ITPR1: variants seen among roughly 807,000 people sequenced by gnomAD.
The protein encoded by ITPR1 is inositol 1,4,5-trisphosphate-gated calcium channel ITPR1.
In ITPR1, 96 loss-of-function variants were observed where a neutral mutation model predicts 318.4. The ratio of observed to expected loss-of-function variants is 0.30; its 90% confidence interval spans 0.26 to 0.36. ITPR1 has a LOEUF of 0.36. Among genes scored for constraint, ITPR1 ranks in the 10% least tolerant of loss-of-function variants. The pLI is 1.00. For synonymous variants in ITPR1, 1,312 were observed against 1,289.9 expected (o/e 1.02, Z -0.37); for missense variants, 2,440 against 3,460.2 (o/e 0.71, Z 7.40).
chr3:4,711,875 C>T lies in ITPR1; in HGVS notation c.5103+7C>T, dbSNP rs2041396981. 1 of 1,399,002 alleles carries T rather than the reference C, an allele frequency of 7.1e-7. No homozygotes were observed. Among genetic ancestry groups the T allele is most frequent in the South Asian group, 1.4e-5 (1 of 73,746 alleles). The allele number at this position is 1,399,002 out of a possible 1,614,324, so 86.7% of individuals were successfully genotyped here. ...TAGAGGCTATGGAGAAAAGGTACTG[C>T]ATTTTATTTTCATGGTCAAACCAGG... is the stretch of plus-strand genomic sequence containing the variant. On this transcript the variant is annotated splice_region_variant and intron_variant, in intron 39 of 61. Transcript: ENST00000649015.
At chr3:4,766,265 C>T (rs1446649449) in intron 44 of ITPR1, among the ~76,000 whole-genome samples, 1 of 152,212 alleles carries the variant, frequency 6.6e-6, no homozygotes, top group African/African-American at 2.4e-5. Flanking sequence ...TGGCAACAGT[C>T]TGCCCACCAC....
intron 5 of ITPR1, among the ~76,000 whole-genome samples, chr3:4,630,565 A>ATTATTATTATTG (rs1364248366): frequency 3.4e-5 from 1 of 29,094 alleles, no homozygotes; most frequent in Admixed American, 5.0e-4. Context: ...TGTCCGCATT[A>ATTATTATTATTG]TTATTATTAT....
chr3:4,697,386 G>A (rs2094576700), intron 34 of ITPR1, 114 bp downstream of exon 34: 2 of 1,003,634 alleles, frequency 2.0e-6, no homozygotes, highest in Non-Finnish European at 2.8e-6. Context: ...GAAAACAGCT[G>A]CATCATTTCT....
intron 52 of ITPR1, among the ~76,000 whole-genome samples, chr3:4,790,413 G>A (rs1026109701): frequency 1.3e-5 from 2 of 151,932 alleles, no homozygotes; most frequent in Admixed American, 6.5e-5. Context: ...TTCTTTTTTT[G>A]AAAAACAGTT....
At chr3:4,575,154 T>C (rs2088496442) in intron 4 of ITPR1, among the ~76,000 whole-genome samples, 1 of 152,204 alleles carries the variant, frequency 6.6e-6, no homozygotes, top group Non-Finnish European at 1.5e-5. Flanking sequence ...TGCAAGAAGA[T>C]CTCCTGGTGG....
chr3:4,770,199 C>A (rs2046098946), intron 46 of ITPR1, among the ~76,000 whole-genome samples: 2 of 152,136 alleles, frequency 1.3e-5, no homozygotes, highest in Admixed American at 6.5e-5. Context: ...TGACCTTATC[C>A]CCCAGGTGAC....
chr3:4,594,920 TGAG>T (rs2090681597), intron 4 of ITPR1, among the ~76,000 whole-genome samples: 2 of 151,504 alleles, frequency 1.3e-5, no homozygotes, highest in Non-Finnish European at 2.9e-5. Context: ...TCACCCTGGA[TGAG>T]GAGGGGGAAG....
chr3:4,830,514 A>C (rs4685829), intron 60 of ITPR1, among the ~76,000 whole-genome samples: 1 of 151,798 alleles, frequency 6.6e-6, no homozygotes, highest in African/African-American at 2.4e-5. Flanking sequence ...AGTGTCCCAT[A>C]TTCCTGCTTT....
At chr3:4,690,214 G>A (rs113672873) in intron 31 of ITPR1, among the ~76,000 whole-genome samples, 7,709 of 152,254 alleles carry the variant, frequency 0.051, 686 homozygotes, top group African/African-American at 0.18. Flanking sequence ...GGTGGAGGTT[G>A]CAGTGAGCCA....
At chr3:4,558,906 C>G (rs1007482434) in intron 4 of ITPR1, among the ~76,000 whole-genome samples, 2 of 151,744 alleles carry the variant, frequency 1.3e-5, no homozygotes, top group Admixed American at 6.6e-5. Context: ...AAACGCATCT[C>G]AGGAAAAAGG....
Position 4,788,114 on chromosome 3 carries a change from A to G in ITPR1, c.6783A>G (p.Glu2261=), listed in dbSNP as rs771681041. ...FFLRSEDLFN[E]MNWQKKLRAQ... ...TGCGGTCTGAAGACCTCTTCAATGA[A>G]ATGAATTGGCAGAAGAAACTGAGAG... Residue 2261 remains glutamate (E), a synonymous_variant, in exon 52 of 62, where the codon GAA becomes GAG. Transcript: ENST00000649015. The G allele has an allele frequency of 2.5e-6, 4 of 1,606,002 alleles. No individual in the cohort carries two copies. In the East Asian group the frequency reaches 8.9e-5, roughly 36 times the overall value.
intron 4 of ITPR1, among the ~76,000 whole-genome samples, chr3:4,521,340 C>A (rs902475589): frequency 1.3e-5 from 2 of 152,066 alleles, no homozygotes; most frequent in African/African-American, 2.4e-5. Flanking sequence ...AGTGCTAATT[C>A]GGTTTAAAGT....
At chr3:4,583,372 A>G (rs1413794570) in intron 4 of ITPR1, among the ~76,000 whole-genome samples, 1 of 152,012 alleles carries the variant, frequency 6.6e-6, no homozygotes, top group Admixed American at 6.5e-5. Context: ...CATAGCATGG[A>G]CACCCGTTCC....
chr3:4,669,845 C>A, intron 19 of ITPR1, 72 bp downstream of exon 19: 1 of 1,368,200 alleles, frequency 7.3e-7, no homozygotes, highest in Non-Finnish European at 9.6e-7. Context: ...AGGAATAAAA[C>A]CTAGCCCTAT....
chr3:4,529,570 A>T (rs1435671049), intron 4 of ITPR1, among the ~76,000 whole-genome samples: 1 of 152,176 alleles, frequency 6.6e-6, no homozygotes, highest in Non-Finnish European at 1.5e-5. Flanking sequence ...ACATGTGAGA[A>T]AATTAGAGGG....
intron 4 of ITPR1, chr3:4,596,089 A>C (rs1366040773): frequency 1.3e-5 from 2 of 152,138 alleles, no homozygotes; most frequent in Admixed American, 1.3e-4. Context: ...GACACGTCCA[A>C]ATTACAGACA....
chr3:4,663,563 C>T (rs558425080), intron 16 of ITPR1, among the ~76,000 whole-genome samples: 1 of 152,204 alleles, frequency 6.6e-6, no homozygotes, highest in African/African-American at 2.4e-5. Flanking sequence ...CATATCTCCT[C>T]TTGTCCTCAC....
chr3:4,739,053 A>G (rs1448776125), intron 44 of ITPR1, among the ~76,000 whole-genome samples: 1 of 152,218 alleles, frequency 6.6e-6, no homozygotes, highest in Non-Finnish European at 1.5e-5. Flanking sequence ...CTTGGCCCCA[A>G]GCTTCTCTTT....
At chr3:4,665,111 A>G (rs768025210) in intron 16 of ITPR1, 27 bp from the exon 17 acceptor site, 16 of 1,613,558 alleles carry the variant, frequency 9.9e-6, no homozygotes, top group South Asian at 3.3e-5. Flanking sequence ...AGTGATTGCC[A>G]TTTTTGCTTT....
Sources: gnomAD v4.1 joint callset for allele counts (sites outside exome capture counted in the v4.1 genomes callset) on GRCh38, gnomAD v4.1.1 for gene constraint, MANE v1.5 for transcripts, NCBI Gene and HGNC (gene_info 2026-07-23, HGNC 2026-07-21) for gene names.